CPNE4: variants seen among roughly 807,000 people sequenced by gnomAD.
The protein encoded by CPNE4 is copine 4.
In CPNE4, 25 loss-of-function variants were observed where a neutral mutation model predicts 67.9. That is an observed-to-expected ratio of 0.37 (90% CI 0.27 to 0.51). The LOEUF (loss-of-function observed/expected upper bound fraction) is 0.51, where lower values mean the gene tolerates loss of function less well. Among genes scored for constraint, CPNE4 ranks in the 20% least tolerant of loss-of-function variants. CPNE4 has a pLI of 0.93. For synonymous variants in CPNE4, 242 were observed against 244.9 expected (o/e 0.99, Z 0.11); for missense variants, 464 against 690.8 (o/e 0.67, Z 3.68).
chr3:131,615,817 G>A (rs1271698959), intron 7 of CPNE4, among the ~76,000 whole-genome samples: 1 of 151,740 alleles, frequency 6.6e-6, no homozygotes, highest in Non-Finnish European at 1.5e-5. Context: ...CTTGGAGGTG[G>A]AGGTTGCGGT....
chr3:131,812,366 A>G (rs1024632487), intron 2 of CPNE4, among the ~76,000 whole-genome samples: 1 of 152,040 alleles, frequency 6.6e-6, no homozygotes, highest in African/African-American at 2.4e-5. Flanking sequence ...AGGAAGTGGA[A>G]AAAGTCAAAG....
At chr3:131,938,814 A>C (rs562361561) in intron 1 of CPNE4, among the ~76,000 whole-genome samples, 1 of 152,250 alleles carries the variant, frequency 6.6e-6, no homozygotes, top group South Asian at 2.1e-4. Context: ...ACAGAGCCAA[A>C]CCATATAAAA....
At chr3:132,019,827 G>GC (rs2073955238) in intron 1 of CPNE4, among the ~76,000 whole-genome samples, 1 of 152,144 alleles carries the variant, frequency 6.6e-6, no homozygotes, top group Non-Finnish European at 1.5e-5. Flanking sequence ...AACAAAGGCT[G>GC]CCCTTCAGCC....
At chr3:131,839,533 A>G (rs962439114) in intron 2 of CPNE4, among the ~76,000 whole-genome samples, 1 of 151,666 alleles carries the variant, frequency 6.6e-6, no homozygotes, top group Non-Finnish European at 1.5e-5. Context: ...ACATATTTGC[A>G]TATGCATTTT....
intron 7 of CPNE4, among the ~76,000 whole-genome samples, chr3:131,645,911 C>T (rs1463012786): frequency 1.3e-5 from 2 of 152,158 alleles, no homozygotes; most frequent in East Asian, 3.9e-4. Flanking sequence ...GTGAGTGGAG[C>T]CCTCACCTTG....
chr3:131,713,118 C>A (rs543757194), intron 3 of CPNE4, among the ~76,000 whole-genome samples: 1 of 143,650 alleles, frequency 7.0e-6, no homozygotes, highest in East Asian at 2.2e-4. Flanking sequence ...AGGACAGGCT[C>A]CTGTAGCTGT....
At chr3:131,821,098 A>AAGG (rs1417502453) in intron 2 of CPNE4, among the ~76,000 whole-genome samples, 4 of 152,288 alleles carry the variant, frequency 2.6e-5, no homozygotes, top group East Asian at 3.9e-4. Flanking sequence ...CAGAAAACTG[A>AAGG]AGGAGGAGGA....
chr3:131,782,416 G>A (rs1208134381), intron 2 of CPNE4, among the ~76,000 whole-genome samples: 3 of 151,944 alleles, frequency 2.0e-5, no homozygotes, highest in African/African-American at 7.2e-5. Flanking sequence ...CACATGTGAT[G>A]CACTTTAGAC....
intron 2 of CPNE4, among the ~76,000 whole-genome samples, chr3:131,723,878 C>T (rs1452759568): frequency 1.3e-5 from 2 of 152,182 alleles, no homozygotes; most frequent in East Asian, 1.9e-4. Flanking sequence ...TTGCATTATA[C>T]AAAATTGTAT....
chr3:131,710,980 T>C (rs2081543226), intron 3 of CPNE4, among the ~76,000 whole-genome samples: 1 of 152,158 alleles, frequency 6.6e-6, no homozygotes, highest in East Asian at 1.9e-4. Context: ...ATAGTGTTGA[T>C]AGCACCAAGC....
chr3:132,014,513 G>A (rs2073848255), intron 1 of CPNE4, among the ~76,000 whole-genome samples: 2 of 152,086 alleles, frequency 1.3e-5, no homozygotes, highest in South Asian at 4.1e-4. Flanking sequence ...TAGACCACTT[G>A]ATTTTTTCCT....
At chr3:131,837,945 A>G (rs190741832) in intron 2 of CPNE4, among the ~76,000 whole-genome samples, 35 of 152,100 alleles carry the variant, frequency 2.3e-4, no homozygotes, top group Admixed American at 9.2e-4. Context: ...TGTATAATTG[A>G]ACAGTTTTTA....
intron 2 of CPNE4, among the ~76,000 whole-genome samples, chr3:131,807,236 C>T (rs1197639769): frequency 6.6e-6 from 1 of 151,996 alleles, no homozygotes; most frequent in Non-Finnish European, 1.5e-5. Context: ...TTTCCTTGCC[C>T]CAAGCCAGAC....
chr3:131,989,932 G>A (rs946461485), intron 1 of CPNE4, among the ~76,000 whole-genome samples: 1 of 135,992 alleles, frequency 7.4e-6, no homozygotes, highest in Non-Finnish European at 1.7e-5. Flanking sequence ...TAACGCATGG[G>A]CTCTGGGAAG....
chr3:131,855,134 C>T (rs575877348), intron 2 of CPNE4, among the ~76,000 whole-genome samples: 8 of 152,028 alleles, frequency 5.3e-5, no homozygotes, highest in East Asian at 3.9e-4. Flanking sequence ...GAGTTCTCAA[C>T]GTTCAAGAAA....
intron 7 of CPNE4, among the ~76,000 whole-genome samples, chr3:131,609,816 G>A (rs1247563835): frequency 1.3e-5 from 2 of 152,020 alleles, no homozygotes; most frequent in East Asian, 1.9e-4. Context: ...GTTTGTTCAG[G>A]TTGACCATAT....
chr3:131,863,460 T>C (rs969538613), intron 2 of CPNE4, among the ~76,000 whole-genome samples: 2 of 152,230 alleles, frequency 1.3e-5, no homozygotes, highest in African/African-American at 4.8e-5. Context: ...TGATGGCCAG[T>C]GATGATAAGC....
chr3:131,981,474 G>A (rs1351988494), intron 1 of CPNE4, among the ~76,000 whole-genome samples: 2 of 152,064 alleles, frequency 1.3e-5, no homozygotes, highest in Non-Finnish European at 2.9e-5. Context: ...GGAAGTGGGG[G>A]AAAGCTGGCA....
At chr3:131,858,445 T>C (rs765575341) in intron 2 of CPNE4, among the ~76,000 whole-genome samples, 1 of 152,088 alleles carries the variant, frequency 6.6e-6, no homozygotes, top group Admixed American at 6.6e-5. Flanking sequence ...ATAAGAAAAG[T>C]TGGTTATATT....
Sources: gnomAD v4.1 joint callset for allele counts (sites outside exome capture counted in the v4.1 genomes callset) on GRCh38, gnomAD v4.1.1 for gene constraint, MANE v1.5 for transcripts, NCBI Gene and HGNC (gene_info 2026-07-23, HGNC 2026-07-21) for gene names.